Variants in ST6GALNAC3 observed in about 807,000 individuals in gnomAD.
The protein encoded by ST6GALNAC3 is ST6 N-acetylgalactosaminide alpha-2,6-sialyltransferase 3.
A neutral mutation model predicts 32.7 loss-of-function variants in ST6GALNAC3; 25 were observed. The observed-to-expected ratio is 0.76, with a 90% CI of 0.56 to 1.07. ST6GALNAC3 has a LOEUF of 1.07. ST6GALNAC3 is among the 50% of genes least tolerant of loss of function. ST6GALNAC3 has a pLI of 0.00. For missense variants in ST6GALNAC3, 355 were observed against 382.4 expected, an observed-to-expected ratio of 0.93 and a Z score of 0.60; for synonymous variants, 129 against 133.1, an observed-to-expected ratio of 0.97 and a Z score of 0.21.
intron 3 of ST6GALNAC3, among the ~76,000 whole-genome samples, chr1:76,504,079 A>G (rs1305635965): frequency 1.3e-5 from 2 of 152,150 alleles, no homozygotes; most frequent in Admixed American, 1.3e-4. Context: ...AACAACAGAA[A>G]TTTATTCTGT....
At chr1:76,565,389 G>T (rs887430357) in intron 3 of ST6GALNAC3, among the ~76,000 whole-genome samples, 5 of 152,076 alleles carry the variant, frequency 3.3e-5, no homozygotes, top group African/African-American at 1.2e-4. Flanking sequence ...CCTCCCCCAG[G>T]AGGCATCAGG....
chr1:76,537,705 A>G (rs1477369116), intron 3 of ST6GALNAC3, among the ~76,000 whole-genome samples: 1 of 152,212 alleles, frequency 6.6e-6, no homozygotes, highest in Non-Finnish European at 1.5e-5. Context: ...GATCCCACAG[A>G]AATGCAAACT....
chr1:76,621,540 C>T (rs1249445486), intron 3 of ST6GALNAC3, among the ~76,000 whole-genome samples: 1 of 151,992 alleles, frequency 6.6e-6, no homozygotes, highest in African/African-American at 2.4e-5. Flanking sequence ...AATGGGCAAA[C>T]TTCAGAGCAT....
chr1:76,549,325 C>T (rs1278549713), intron 3 of ST6GALNAC3, among the ~76,000 whole-genome samples: 1 of 151,956 alleles, frequency 6.6e-6, no homozygotes, highest in Non-Finnish European at 1.5e-5. Context: ...TAACCATTAC[C>T]CTGAATTTGA....
intron 1 of ST6GALNAC3, among the ~76,000 whole-genome samples, chr1:76,284,577 T>C (rs58321457): frequency 0.042 from 6,440 of 152,062 alleles, 446 homozygotes; most frequent in African/African-American, 0.15. Context: ...AAGAAGAAAA[T>C]CAATTTTATT....
intron 1 of ST6GALNAC3, among the ~76,000 whole-genome samples, chr1:76,212,600 A>G (rs1310229238): frequency 6.6e-6 from 1 of 152,202 alleles, no homozygotes; most frequent in East Asian, 1.9e-4. Context: ...CTAAATATTT[A>G]GGAAGCATCA....
intron 4 of ST6GALNAC3, 44 bp downstream of exon 4, chr1:76,627,603 A>T (rs1570484824): frequency 7.4e-7 from 1 of 1,356,442 alleles, no homozygotes. Context: ...CAATTCGGAG[A>T]TCTTGTCAAA....
At chr1:76,184,725 C>T (rs918242145) in intron 1 of ST6GALNAC3, among the ~76,000 whole-genome samples, 1 of 152,102 alleles carries the variant, frequency 6.6e-6, no homozygotes, top group African/African-American at 2.4e-5. Context: ...GACTTTAAAT[C>T]GGGGCTCACT....
In ST6GALNAC3 at chr1:76,169,624, C is replaced by T. The variant is rs115514533; in HGVS notation, c.18+94740C>T. On this transcript the variant is annotated intron_variant, in intron 1 of 4. Transcript: ENST00000328299. ...CATAGATTTGGTCTCTTTACATAAT[C>T]CCATATTTCTCAGACATTTTGTTCA... Among the ~76,000 whole-genome samples the T allele has an allele frequency of 7.9e-3, 1,206 of 152,232 alleles. 21 individuals are homozygous for T. Among genetic ancestry groups the T allele is most frequent in the African/African-American group, 0.028 (1,160 of 41,542 alleles).
chr1:76,513,566 T>A (rs191345307), intron 3 of ST6GALNAC3, among the ~76,000 whole-genome samples: 2 of 152,310 alleles, frequency 1.3e-5, no homozygotes, highest in Admixed American at 1.3e-4. Flanking sequence ...GGTAGTGTGA[T>A]GCCTCCAGCT....
At chr1:76,181,155 G>GATTCACAGGGT in intron 1 of ST6GALNAC3, among the ~76,000 whole-genome samples, 1 of 152,322 alleles carries the variant, frequency 6.6e-6, no homozygotes, top group Non-Finnish European at 1.5e-5. Flanking sequence ...AGCGATGGTG[G>GATTCACAGGGT]TGACTGAACA....
intron 1 of ST6GALNAC3, among the ~76,000 whole-genome samples, chr1:76,125,785 TA>T (rs902846707): frequency 4.0e-4 from 61 of 152,296 alleles, no homozygotes; most frequent in Middle Eastern, 3.4e-3. Flanking sequence ...GCCTTTTCTT[TA>T]ACACCAGATC....
At chr1:76,175,783 C>A (rs1374880228) in intron 1 of ST6GALNAC3, among the ~76,000 whole-genome samples, 1 of 145,436 alleles carries the variant, frequency 6.9e-6, no homozygotes, top group Admixed American at 6.8e-5. Flanking sequence ...TTGGGGCAGA[C>A]CATTTGTCCT....
At chr1:76,331,490 T>C (rs1326817078) in intron 2 of ST6GALNAC3, among the ~76,000 whole-genome samples, 1 of 152,086 alleles carries the variant, frequency 6.6e-6, no homozygotes, top group African/African-American at 2.4e-5. Flanking sequence ...TAAATGCTAC[T>C]TTATTAGCAT....
At chr1:76,102,178 AT>A (rs1647251666) in intron 1 of ST6GALNAC3, among the ~76,000 whole-genome samples, 1 of 151,788 alleles carries the variant, frequency 6.6e-6, no homozygotes, top group African/African-American at 2.4e-5. Flanking sequence ...AGTCTATCTT[AT>A]CTGATATTAA....
chr1:76,352,339 G>A lies in ST6GALNAC3; in HGVS notation c.213+38340G>A, dbSNP rs547675915. ...TTGGCTGACTCTGCTTTTCAATACC[G>A]TCTGTCCAACTTGACTATTTCCTCC... On this transcript the variant is annotated intron_variant, in intron 2 of 4. Transcript: ENST00000328299. Among the ~76,000 whole-genome samples the A allele has an allele frequency of 4.0e-5, 6 of 149,556 alleles. No individual in the cohort carries two copies. In the East Asian group the frequency reaches 5.8e-4, roughly 15 times the overall value.
intron 1 of ST6GALNAC3, among the ~76,000 whole-genome samples, chr1:76,145,321 T>G (rs1650606111): frequency 6.6e-6 from 1 of 152,178 alleles, no homozygotes; most frequent in South Asian, 2.1e-4. Flanking sequence ...CCAGTCTATT[T>G]CATCCAACCC....
intron 1 of ST6GALNAC3, among the ~76,000 whole-genome samples, chr1:76,150,696 A>C (rs1381507446): frequency 6.6e-6 from 1 of 152,092 alleles, no homozygotes; most frequent in Non-Finnish European, 1.5e-5. Flanking sequence ...GATTGATAAA[A>C]CAGCGTACAC....
intron 3 of ST6GALNAC3, among the ~76,000 whole-genome samples, chr1:76,608,653 C>G (rs537323604): frequency 6.7e-6 from 1 of 148,416 alleles, no homozygotes; most frequent in African/African-American, 2.5e-5. Context: ...GTGTACCTGG[C>G]CCACTTCTTT....
Sources: allele counts gnomAD v4.1 joint callset (sites outside exome capture counted in the v4.1 genomes callset), GRCh38; gene constraint gnomAD v4.1.1; transcripts MANE v1.5; gene names NCBI Gene and HGNC (gene_info 2026-07-23, HGNC 2026-07-21).